Variants in SLIT2 observed in about 807,000 individuals in gnomAD.
SLIT2 encodes the protein slit guidance ligand 2.
A neutral mutation model predicts 185.7 loss-of-function variants in SLIT2; 41 were observed. The observed-to-expected ratio is 0.22, with a 90% CI of 0.17 to 0.29. SLIT2 has a LOEUF of 0.29. SLIT2 is among the 10% of genes least tolerant of loss of function. The pLI, the probability that SLIT2 is intolerant of heterozygous loss-of-function variation, is 1.00. For synonymous variants in SLIT2, 693 were observed against 680.2 expected, an observed-to-expected ratio of 1.02 and a Z score of -0.29; for missense variants, 1,571 against 1,909.0, an observed-to-expected ratio of 0.82 and a Z score of 3.30.
At chr4:20,304,435 A>G (rs1717346113) in intron 4 of SLIT2, among the ~76,000 whole-genome samples, 1 of 152,204 alleles carries the variant, frequency 6.6e-6, no homozygotes, top group African/African-American at 2.4e-5. Context: ...CTTTGACTCC[A>G]GTGAAACACA....
chr4:20,453,121 T>C (rs532782093), intron 4 of SLIT2, among the ~76,000 whole-genome samples: 2 of 152,220 alleles, frequency 1.3e-5, no homozygotes, highest in African/African-American at 2.4e-5. Flanking sequence ...AAAATTATAA[T>C]ATGACTTTTT....
At chr4:20,431,410 T>A (rs988749986) in intron 4 of SLIT2, among the ~76,000 whole-genome samples, 1 of 152,228 alleles carries the variant, frequency 6.6e-6, no homozygotes, top group Non-Finnish European at 1.5e-5. Context: ...TTATTTTTTT[T>A]AAAGACAGAG....
chr4:20,433,082 T>A (rs919376966), intron 4 of SLIT2, among the ~76,000 whole-genome samples: 1 of 151,988 alleles, frequency 6.6e-6, no homozygotes, highest in African/African-American at 2.4e-5. Context: ...AAAAAAAAAA[T>A]ACCTTCAAAC....
At chr4:20,473,935 A>T (rs1250225996) in intron 5 of SLIT2, among the ~76,000 whole-genome samples, 2 of 152,028 alleles carry the variant, frequency 1.3e-5, no homozygotes, top group Admixed American at 1.3e-4. Context: ...TGTTTAGTTC[A>T]TTGGATTTTA....
chr4:20,431,356 C>T (rs1226508061), intron 4 of SLIT2, among the ~76,000 whole-genome samples: 1 of 151,956 alleles, frequency 6.6e-6, no homozygotes, highest in Admixed American at 6.6e-5. Context: ...CAGTGTGCCT[C>T]TATATTTAAA....
chr4:20,610,023 A>G lies in SLIT2; in HGVS notation c.3703A>G (p.Ile1235Val). The G allele has an allele frequency of 6.2e-7, 1 of 1,612,858 alleles. No individual in the cohort carries two copies. Among genetic ancestry groups the G allele is most frequent in the Non-Finnish European group, 8.5e-7 (1 of 1,179,430 alleles). ...PASAIYSVET[I>V]NDGNFHIVEL... ...TTTTTTCCGTTGTAGTGTGGAGACA[A>G]TCAATGATGGAAACTTCCACATTGT... The change falls in exon 34 of 37, where the codon ATC becomes GTC. Residue 1235 changes from isoleucine to valine, a missense_variant. Ile to Val is a conservative substitution (Grantham distance 29). This residue lies in a region of SLIT2 where 146 missense variants were observed against 247.4 expected (regional missense o/e 0.59). Coordinates refer to ENST00000504154, the MANE Select transcript of SLIT2 (RefSeq NM_004787.4).
At chr4:20,451,300 A>G (rs1441728104) in intron 4 of SLIT2, among the ~76,000 whole-genome samples, 1 of 152,184 alleles carries the variant, frequency 6.6e-6, no homozygotes, top group Admixed American at 6.5e-5. Context: ...TTCCCTCCCC[A>G]ATGTTAATGT....
intron 4 of SLIT2, among the ~76,000 whole-genome samples, chr4:20,321,020 G>A (rs1719031083): frequency 6.6e-6 from 1 of 152,128 alleles, no homozygotes; most frequent in African/African-American, 2.4e-5. Context: ...GCCAGATGTG[G>A]TGGTGTGCAC....
intron 1 of SLIT2, among the ~76,000 whole-genome samples, chr4:20,255,269 C>T (rs939765714): frequency 3.3e-5 from 5 of 152,220 alleles, no homozygotes; most frequent in African/African-American, 9.6e-5. Context: ...TTCAAGTCGC[C>T]CTTCTTATCC....
chr4:20,269,240 A>G (rs755159355), intron 4 of SLIT2, among the ~76,000 whole-genome samples: 9 of 151,818 alleles, frequency 5.9e-5, no homozygotes, highest in Non-Finnish European at 1.0e-4. Context: ...GTGTTCTTAT[A>G]AAGTTGAGAT....
chr4:20,363,753 A>G (rs1722909412), intron 4 of SLIT2, among the ~76,000 whole-genome samples: 1 of 152,142 alleles, frequency 6.6e-6, no homozygotes, highest in East Asian at 1.9e-4. Flanking sequence ...TTCCATAAGG[A>G]TCCAGAAGGG....
intron 4 of SLIT2, among the ~76,000 whole-genome samples, chr4:20,329,275 C>G (rs1719866786): frequency 6.6e-6 from 1 of 151,512 alleles, no homozygotes; most frequent in Non-Finnish European, 1.5e-5. Context: ...ATCAAGGAGA[C>G]AAATATAAAT....
chr4:20,329,260 A>G (rs541480391), intron 4 of SLIT2, among the ~76,000 whole-genome samples: 6 of 152,072 alleles, frequency 3.9e-5, no homozygotes, highest in Non-Finnish European at 8.8e-5. Context: ...GGAAATTTAC[A>G]GTCCATCAAG....
intron 19 of SLIT2, among the ~76,000 whole-genome samples, chr4:20,541,107 A>C (rs1560178747): frequency 6.6e-6 from 1 of 152,206 alleles, no homozygotes. Context: ...GTTTGACAGC[A>C]AGTCAGATTT....
Position 20,620,416 on chromosome 4 carries a change from A to G in SLIT2, c.*1407A>G. 2.2e-6 allele frequency: 1 copy of G among 455,738 alleles called. No individual in the cohort carries two copies. The highest frequency in any genetic ancestry group is 4.4e-6 in the Non-Finnish European group (1 of 226,840). 28.2% of individuals were successfully genotyped at this position (455,738 alleles called of 1,614,324 possible). On this transcript the variant is annotated 3_prime_UTR_variant, in exon 37 of 37. Transcript: ENST00000504154. ...ATTAAAATCCCAGGGTGCCCTGTAA[A>G]GATGCAGATGTTTCTTCCTGAAAAC...
chr4:20,324,260 C>CTG (rs1719353432), intron 4 of SLIT2, among the ~76,000 whole-genome samples: 1 of 124,260 alleles, frequency 8.0e-6, no homozygotes, highest in Non-Finnish European at 1.7e-5. Context: ...TGCATTGAGA[C>CTG]AATGTATTGG....
chr4:20,498,234 A>G (rs934976007), intron 9 of SLIT2, among the ~76,000 whole-genome samples: 1 of 152,154 alleles, frequency 6.6e-6, no homozygotes, highest in African/African-American at 2.4e-5. Flanking sequence ...AATGAAGAAA[A>G]TATAGAAGGG....
chr4:20,480,673 C>T, intron 5 of SLIT2, 43 bp from the exon 6 acceptor site: 1 of 1,470,676 alleles, frequency 6.8e-7, no homozygotes, highest in Non-Finnish European at 9.5e-7. Flanking sequence ...ACCCCAGCTA[C>T]TGTCCATCCC....
intron 4 of SLIT2, among the ~76,000 whole-genome samples, chr4:20,326,035 C>T (rs77798918): frequency 3.9e-5 from 6 of 152,072 alleles, no homozygotes; most frequent in South Asian, 4.1e-4. Context: ...TTGTTCACCC[C>T]GATTTACTAT....
Sources: allele counts gnomAD v4.1 joint callset (sites outside exome capture counted in the v4.1 genomes callset), GRCh38; gene constraint gnomAD v4.1.1; regional missense constraint gnomAD v4.1.1; transcripts MANE v1.5; gene names NCBI Gene and HGNC (gene_info 2026-07-23, HGNC 2026-07-21).